DGCR2: variants seen among roughly 807,000 people sequenced by gnomAD.
DGCR2 encodes the protein DiGeorge syndrome critical region gene 2.
In DGCR2, 24 loss-of-function variants were observed where a neutral mutation model predicts 51.6. The ratio of observed to expected loss-of-function variants is 0.47; its 90% CI spans 0.34 to 0.65. DGCR2 has a LOEUF of 0.65. DGCR2 is among the 30% of genes least tolerant of loss of function. DGCR2 has a pLI of 0.01. For synonymous variants in DGCR2, 340 were observed against 315.4 expected, an observed-to-expected ratio of 1.08 and a Z score of -0.82; for missense variants, 765 against 772.1, an observed-to-expected ratio of 0.99 and a Z score of 0.11.
Position 19,097,711 on chromosome 22 carries a change from A to C in DGCR2, c.80-8221T>G, listed in dbSNP as rs538257872. Among the ~76,000 whole-genome samples, 5 of 152,264 alleles carry C rather than the reference A, an allele frequency of 3.3e-5. No individual in the cohort carries two copies. In the South Asian group the frequency reaches 1.0e-3, roughly 32 times the overall value. The stretch of plus-strand genomic sequence containing the variant: ...CTATGCATGTCTGGGAAAGGCTCCA[A>C]AGGCCCAAACAGCCTTCCTCTTTGA... On this transcript the variant is annotated intron_variant, in intron 1 of 9. Coordinates refer to ENST00000263196, the MANE Select transcript of DGCR2 (RefSeq NM_005137.3).
intron 2 of DGCR2, among the ~76,000 whole-genome samples, chr22:19,075,227 A>C (rs917872418): frequency 6.6e-6 from 1 of 151,226 alleles, no homozygotes; most frequent in Admixed American, 6.6e-5. Context: ...GGAGATCGAG[A>C]CCATCCTGGC....
At chr22:19,085,105 G>GAAAA (rs111548476) in intron 2 of DGCR2, among the ~76,000 whole-genome samples, 4 of 137,608 alleles carry the variant, frequency 2.9e-5, no homozygotes, top group Non-Finnish European at 6.3e-5. Context: ...TCCTGCCTTG[G>GAAAA]AAAAAAAAAA....
At chr22:19,113,467 T>TG (rs1319464764) in intron 1 of DGCR2, among the ~76,000 whole-genome samples, 1 of 151,774 alleles carries the variant, frequency 6.6e-6, no homozygotes, top group Non-Finnish European at 1.5e-5. Context: ...ACTGAAAAGA[T>TG]GGAGTCGCAG....
chr22:19,067,761 A>G (rs2082765899), intron 3 of DGCR2, among the ~76,000 whole-genome samples: 1 of 152,208 alleles, frequency 6.6e-6, no homozygotes, highest in Non-Finnish European at 1.5e-5. Context: ...TTATTGCTGT[A>G]TCTAAACTCA....
intron 5 of DGCR2, among the ~76,000 whole-genome samples, chr22:19,062,772 C>T (rs1292731273): frequency 1.5e-5 from 2 of 136,956 alleles, no homozygotes; most frequent in African/African-American, 5.4e-5. Context: ...CACACACATG[C>T]ATGCTCACTC....
At chr22:19,086,956 AAAC>A (rs1383586375) in intron 2 of DGCR2, among the ~76,000 whole-genome samples, 2 of 152,238 alleles carry the variant, frequency 1.3e-5, no homozygotes, top group African/African-American at 4.8e-5. Context: ...CAGTTATTAC[AAAC>A]AACTACAAAA....
In DGCR2 at chr22:19,056,981, C is replaced by T. The variant is rs1024207949; in HGVS notation, c.802+5G>A. 6.3e-7 allele frequency: 1 copy of T among 1,575,794 alleles called. No homozygotes were observed. Among genetic ancestry groups the T allele is most frequent in the South Asian group, 1.2e-5 (1 of 85,570 alleles). On this transcript the variant is annotated splice_donor_5th_base_variant and intron_variant, in intron 6 of 9. Coordinates refer to ENST00000263196, the MANE Select transcript of DGCR2 (RefSeq NM_005137.3). ...CCCCAAGAACGCCAGCTCAAGGGGG[C>T]TTACTTCTTTTACACAGAAATGAAG...
intron 5 of DGCR2, among the ~76,000 whole-genome samples, chr22:19,062,229 G>A (rs967759619): frequency 6.6e-6 from 1 of 152,246 alleles, no homozygotes; most frequent in Non-Finnish European, 1.5e-5. Flanking sequence ...GGCACTGGTG[G>A]TCATGAGAAC....
intron 2 of DGCR2, among the ~76,000 whole-genome samples, chr22:19,088,920 G>A (rs2083047245): frequency 6.6e-6 from 1 of 152,190 alleles, no homozygotes; most frequent in Non-Finnish European, 1.5e-5. Flanking sequence ...GAGAACCTGT[G>A]AGTGCAAAGT....
chr22:19,089,259 T>C, intron 2 of DGCR2, 109 bp downstream of exon 2: 1 of 1,251,118 alleles, frequency 8.0e-7, no homozygotes, highest in Non-Finnish European at 1.1e-6. Context: ...CAAACTAACT[T>C]TCCAATGTGT....
At chr22:19,113,029 A>T (rs1446965548) in intron 1 of DGCR2, among the ~76,000 whole-genome samples, 1 of 109,812 alleles carries the variant, frequency 9.1e-6, no homozygotes, top group African/African-American at 3.2e-5. Flanking sequence ...AGAAACAAAC[A>T]TGCAACAGAG....
intron 6 of DGCR2, chr22:19,056,335 G>C (rs1349978304): frequency 2.1e-5 from 5 of 236,882 alleles, no homozygotes; most frequent in Non-Finnish European, 4.1e-5. Context: ...AGAAAAAGAG[G>C]ACCACCGTCA....
intron 1 of DGCR2, among the ~76,000 whole-genome samples, chr22:19,096,905 A>G (rs575920363): frequency 1.3e-5 from 2 of 151,884 alleles, no homozygotes; most frequent in African/African-American, 4.8e-5. Context: ...AAAAAAAAAA[A>G]ACACCCTATG....
chr22:19,059,267 A>G (rs1202242078), intron 5 of DGCR2, among the ~76,000 whole-genome samples: 1 of 152,130 alleles, frequency 6.6e-6, no homozygotes, highest in African/African-American at 2.4e-5. Flanking sequence ...GAGACCAGAC[A>G]GAGGCCACGA....
At chr22:19,096,900 A>AC (rs1209711599) in intron 1 of DGCR2, among the ~76,000 whole-genome samples, 2 of 151,914 alleles carry the variant, frequency 1.3e-5, no homozygotes, top group African/African-American at 4.8e-5. Context: ...AAAACAAAAA[A>AC]AAAAAACACC....
intron 2 of DGCR2, among the ~76,000 whole-genome samples, chr22:19,069,646 G>A (rs1431179678): frequency 6.6e-6 from 1 of 152,196 alleles, no homozygotes; most frequent in African/African-American, 2.4e-5. Flanking sequence ...TTTGATGGCT[G>A]CATAGTATTC....
chr22:19,080,781 A>G (rs1406150144), intron 2 of DGCR2, among the ~76,000 whole-genome samples: 1 of 152,216 alleles, frequency 6.6e-6, no homozygotes, highest in Non-Finnish European at 1.5e-5. Flanking sequence ...GGTTGCATTC[A>G]GCTGTGGTTT....
intron 1 of DGCR2, among the ~76,000 whole-genome samples, chr22:19,108,437 G>A (rs2083280872): frequency 6.6e-6 from 1 of 151,740 alleles, no homozygotes; most frequent in African/African-American, 2.4e-5. Context: ...AGCCACATAT[G>A]ATGGTGAACA....
intron 1 of DGCR2, among the ~76,000 whole-genome samples, chr22:19,098,408 C>G (rs1461501536): frequency 6.6e-6 from 1 of 152,216 alleles, no homozygotes; most frequent in Non-Finnish European, 1.5e-5. Context: ...CCTCTCTCTG[C>G]CACAGCTGCT....
Sources: allele counts gnomAD v4.1 joint callset (sites outside exome capture counted in the v4.1 genomes callset), GRCh38; gene constraint gnomAD v4.1.1; transcripts MANE v1.5; gene names NCBI Gene and HGNC (gene_info 2026-07-23, HGNC 2026-07-21).